Variants in ETV6 observed in about 807,000 individuals in gnomAD.
ETV6 encodes the protein transcription factor ETV6.
Under a neutral mutation model 51.1 loss-of-function variants are expected in ETV6, and 16 were observed. That is an observed-to-expected ratio of 0.31 (90% CI 0.21 to 0.48). The LOEUF (loss-of-function observed/expected upper bound fraction) is 0.48. Among genes scored for constraint, ETV6 ranks in the 20% least tolerant of loss-of-function variants. ETV6 has a pLI of 0.99. For synonymous variants in ETV6, 240 were observed against 224.1 expected, an observed-to-expected ratio of 1.07 and a Z score of -0.64; for missense variants, 458 against 594.8, an observed-to-expected ratio of 0.77 and a Z score of 2.39.
At chr12:11,777,822 C>T (rs1303424838) in intron 2 of ETV6, among the ~76,000 whole-genome samples, 1 of 151,924 alleles carries the variant, frequency 6.6e-6, no homozygotes, top group Non-Finnish European at 1.5e-5. Context: ...CCAGTTTAAG[C>T]CATTTATTCA....
intron 2 of ETV6, among the ~76,000 whole-genome samples, chr12:11,758,962 CG>C (rs1469847121): frequency 2.6e-5 from 4 of 152,242 alleles, no homozygotes; most frequent in African/African-American, 9.6e-5. Flanking sequence ...TGTGGCTGTA[CG>C]AGGGCCCTGG....
chr12:11,693,150 G>T (rs1209553583), intron 1 of ETV6, among the ~76,000 whole-genome samples: 1 of 152,172 alleles, frequency 6.6e-6, no homozygotes, highest in South Asian at 2.1e-4. Flanking sequence ...GAAGACTTAC[G>T]GTGGTGGGAG....
chr12:11,754,425 T>G (rs1944977210), intron 2 of ETV6, among the ~76,000 whole-genome samples: 1 of 152,356 alleles, frequency 6.6e-6, no homozygotes, highest in South Asian at 2.1e-4. Flanking sequence ...GGTTCACTTC[T>G]GGATGCCTTG....
At chr12:11,681,182 G>C (rs1009773955) in intron 1 of ETV6, among the ~76,000 whole-genome samples, 3 of 152,176 alleles carry the variant, frequency 2.0e-5, no homozygotes, top group Non-Finnish European at 4.4e-5. Flanking sequence ...CTGCATCCGG[G>C]TTCCATTGCA....
chr12:11,661,931 G>A (rs1053391574), intron 1 of ETV6, among the ~76,000 whole-genome samples: 47 of 152,356 alleles, frequency 3.1e-4, no homozygotes, highest in African/African-American at 1.1e-3. Context: ...CAGGGGGAAT[G>A]TTGGCGAGCA....
At chr12:11,842,949 T>C (rs908770041) in intron 3 of ETV6, among the ~76,000 whole-genome samples, 3 of 152,232 alleles carry the variant, frequency 2.0e-5, no homozygotes, top group Admixed American at 6.5e-5. Context: ...AGAAAACTTG[T>C]CCTGATCTGC....
At chr12:11,777,654 G>C (rs749685602) in intron 2 of ETV6, among the ~76,000 whole-genome samples, 19 of 152,074 alleles carry the variant, frequency 1.2e-4, no homozygotes, top group Non-Finnish European at 2.1e-4. Context: ...TGCACCAGCT[G>C]TACTGGGCCT....
At chr12:11,658,885 A>G (rs1320367948) in intron 1 of ETV6, among the ~76,000 whole-genome samples, 1 of 152,232 alleles carries the variant, frequency 6.6e-6, no homozygotes, top group African/African-American at 2.4e-5. Flanking sequence ...GTCTGGAAGT[A>G]CTGTACAGTG....
rs577637575 is a variant in ETV6 at position 11,694,718 on chromosome 12, G to A, written c.33+44558G>A. Among the ~76,000 whole-genome samples the A allele has an allele frequency of 2.2e-4, 34 of 152,266 alleles. 1 individual carries two copies. Among genetic ancestry groups the A allele is most frequent in the East Asian group, 2.1e-3 (11 of 5,188 alleles). ...TTCAGATATTCAACTCTGCAAAGTC[G>A]TAATCATTTATCCACATGTACTTTT... is the stretch of plus-strand genomic sequence containing the variant. On this transcript the variant is annotated intron_variant, in intron 1 of 7. Coordinates refer to ENST00000396373, the MANE Select transcript of ETV6 (RefSeq NM_001987.5).
intron 1 of ETV6, among the ~76,000 whole-genome samples, chr12:11,679,497 A>G (rs916640407): frequency 6.6e-6 from 1 of 152,238 alleles, no homozygotes; most frequent in Non-Finnish European, 1.5e-5. Context: ...CATCCGTTCC[A>G]TAGGTTCTGC....
chr12:11,816,344 A>G (rs1485473081), intron 2 of ETV6, among the ~76,000 whole-genome samples: 3 of 152,214 alleles, frequency 2.0e-5, no homozygotes, highest in Non-Finnish European at 4.4e-5. Flanking sequence ...TCCCAGGTTC[A>G]CACCATTCTC....
chr12:11,823,845 C>T (rs1336086748), intron 2 of ETV6, among the ~76,000 whole-genome samples: 1 of 152,126 alleles, frequency 6.6e-6, no homozygotes, highest in Non-Finnish European at 1.5e-5. Flanking sequence ...ATTCAGCCCC[C>T]CTTGACTGCC....
At chr12:11,748,700 A>G (rs1248898985) in intron 1 of ETV6, among the ~76,000 whole-genome samples, 1 of 152,186 alleles carries the variant, frequency 6.6e-6, no homozygotes, top group African/African-American at 2.4e-5. Flanking sequence ...CCTACTGAGC[A>G]CAGACTGTAT....
chr12:11,737,012 A>G (rs1865712987), intron 1 of ETV6, among the ~76,000 whole-genome samples: 1 of 152,170 alleles, frequency 6.6e-6, no homozygotes, highest in Admixed American at 6.5e-5. Flanking sequence ...AGTTTTGATG[A>G]TAACCTTCCC....
intron 1 of ETV6, among the ~76,000 whole-genome samples, chr12:11,705,586 A>G (rs1459692879): frequency 6.6e-6 from 1 of 152,274 alleles, no homozygotes; most frequent in Non-Finnish European, 1.5e-5. Context: ...GTCTGACTTA[A>G]GGATATAATA....
At chr12:11,847,024 T>C (rs1946476510) in intron 3 of ETV6, among the ~76,000 whole-genome samples, 1 of 152,028 alleles carries the variant, frequency 6.6e-6, no homozygotes, top group African/African-American at 2.4e-5. Context: ...AGGCAGAGGA[T>C]CGGCATGGCA....
chr12:11,674,614 T>TG (rs1864379812), intron 1 of ETV6, among the ~76,000 whole-genome samples: 7 of 123,628 alleles, frequency 5.7e-5, no homozygotes, highest in Admixed American at 1.8e-4. Context: ...GTAGGGGTTA[T>TG]TTGTGTGTGT....
chr12:11,829,428 C>T (rs921449185), intron 2 of ETV6, among the ~76,000 whole-genome samples: 43 of 152,280 alleles, frequency 2.8e-4, no homozygotes, highest in African/African-American at 9.6e-4. Context: ...ACTAACCCAG[C>T]GCTAGTAAGT....
chr12:11,658,709 T>A (rs1393906549), intron 1 of ETV6, among the ~76,000 whole-genome samples: 1 of 152,226 alleles, frequency 6.6e-6, no homozygotes, highest in Non-Finnish European at 1.5e-5. Flanking sequence ...AAAAAGCTCT[T>A]ATTTTAACTT....
Sources: gnomAD v4.1 joint callset for allele counts (sites outside exome capture counted in the v4.1 genomes callset) on GRCh38, gnomAD v4.1.1 for gene constraint, MANE v1.5 for transcripts, NCBI Gene and HGNC (gene_info 2026-07-23, HGNC 2026-07-21) for gene names.